Variants in FBXL17 observed in about 807,000 individuals in gnomAD.
The protein encoded by FBXL17 is F-box/LRR-repeat protein 17.
A neutral mutation model predicts 66.2 loss-of-function variants in FBXL17; 22 were observed. The observed-to-expected ratio is 0.33, with a 90% CI of 0.24 to 0.47. The LOEUF is 0.47. FBXL17 is among the 20% of genes least tolerant of loss of function. The pLI is 1.00. For missense variants in FBXL17, 878 were observed against 948.2 expected, an observed-to-expected ratio of 0.93 and a Z score of 0.97; for synonymous variants, 474 against 400.5, an observed-to-expected ratio of 1.18 and a Z score of -2.19.
At chr5:108,328,807 A>G (rs903950129) in intron 4 of FBXL17, among the ~76,000 whole-genome samples, 1 of 152,124 alleles carries the variant, frequency 6.6e-6, no homozygotes, top group African/African-American at 2.4e-5. Context: ...ATAGCTTTCA[A>G]TATTTATCAA....
At chr5:108,049,634 C>T (rs775528955) in intron 6 of FBXL17, among the ~76,000 whole-genome samples, 8 of 152,238 alleles carry the variant, frequency 5.3e-5, no homozygotes, top group Non-Finnish European at 1.2e-4. Flanking sequence ...TGCAAAATCA[C>T]ACCAAAATAT....
intron 4 of FBXL17, among the ~76,000 whole-genome samples, chr5:108,252,234 G>A (rs1202549245): frequency 2.0e-5 from 3 of 152,064 alleles, no homozygotes; most frequent in African/African-American, 7.2e-5. Context: ...CTATAAACTA[G>A]TTTATCACTA....
intron 7 of FBXL17, among the ~76,000 whole-genome samples, chr5:107,985,878 G>A (rs1752993796): frequency 6.6e-6 from 1 of 152,140 alleles, no homozygotes; most frequent in Non-Finnish European, 1.5e-5. Context: ...GAAGGTGAGA[G>A]TGCAGACGAA....
intron 6 of FBXL17, among the ~76,000 whole-genome samples, chr5:108,167,678 T>C (rs1260026893): frequency 1.3e-5 from 2 of 152,186 alleles, no homozygotes; most frequent in Non-Finnish European, 2.9e-5. Flanking sequence ...TACAAAGCCA[T>C]GTTTTATAAA....
chr5:108,138,936 G>A (rs1003752966), intron 6 of FBXL17, among the ~76,000 whole-genome samples: 1 of 152,164 alleles, frequency 6.6e-6, no homozygotes, highest in South Asian at 2.1e-4. Flanking sequence ...CTAAACTTGG[G>A]TAAGAATTGC....
intron 7 of FBXL17, among the ~76,000 whole-genome samples, chr5:107,991,873 A>G (rs536059032): frequency 1.2e-3 from 186 of 152,336 alleles, no homozygotes; most frequent in African/African-American, 4.1e-3. Flanking sequence ...AGTACCCTAC[A>G]TAAAACCCAC....
At chr5:108,012,739 G>A (rs1282943807) in intron 7 of FBXL17, among the ~76,000 whole-genome samples, 1 of 152,174 alleles carries the variant, frequency 6.6e-6, no homozygotes, top group South Asian at 2.1e-4. Context: ...TAGCTGGCTG[G>A]GTGTGGTGGC....
intron 7 of FBXL17, among the ~76,000 whole-genome samples, chr5:108,020,329 C>T (rs887364131): frequency 2.0e-5 from 3 of 151,892 alleles, no homozygotes; most frequent in African/African-American, 7.2e-5. Context: ...TTCTTTATTA[C>T]TGCGACAATA....
At chr5:108,117,608 T>C (rs1213760567) in intron 6 of FBXL17, among the ~76,000 whole-genome samples, 1 of 152,102 alleles carries the variant, frequency 6.6e-6, no homozygotes, top group Non-Finnish European at 1.5e-5. Context: ...CAAATGACTA[T>C]GAAGATGACA....
intron 6 of FBXL17, among the ~76,000 whole-genome samples, chr5:108,101,673 G>A (rs1162101202): frequency 6.6e-6 from 1 of 152,196 alleles, no homozygotes; most frequent in Non-Finnish European, 1.5e-5. Context: ...AATATACTTT[G>A]TGATAGTAAT....
chr5:108,284,961 TA>T (rs1278726062), intron 4 of FBXL17, among the ~76,000 whole-genome samples: 2 of 151,842 alleles, frequency 1.3e-5, no homozygotes, highest in Non-Finnish European at 2.9e-5. Flanking sequence ...AACTTCTTTC[TA>T]CTACAGAGTA....
chr5:107,980,746 T>A (rs1245183987), intron 7 of FBXL17, among the ~76,000 whole-genome samples: 2 of 142,118 alleles, frequency 1.4e-5, no homozygotes, highest in Non-Finnish European at 3.0e-5. Context: ...CAGCTCCGCC[T>A]CCCGGGTTCA....
At chr5:108,020,168 T>C (rs760167329) in intron 7 of FBXL17, among the ~76,000 whole-genome samples, 1 of 151,706 alleles carries the variant, frequency 6.6e-6, no homozygotes, top group Non-Finnish European at 1.5e-5. Context: ...AATGAAAAAA[T>C]CAAAAAGTCA....
chr5:108,067,234 T>C (rs1317267480), intron 6 of FBXL17, among the ~76,000 whole-genome samples: 1 of 152,126 alleles, frequency 6.6e-6, no homozygotes, highest in East Asian at 1.9e-4. Context: ...TATATGGTAT[T>C]ATCTGAGACA....
At chr5:108,293,103 A>AC (rs1758188511) in intron 4 of FBXL17, among the ~76,000 whole-genome samples, 2 of 151,522 alleles carry the variant, frequency 1.3e-5, no homozygotes, top group African/African-American at 4.8e-5. Flanking sequence ...AAAAACAAAA[A>AC]AAAAAAAACA....
At position 108,191,453 on chromosome 5, in the gene FBXL17, C is replaced by T. The variant is rs565493440; in HGVS notation, c.1615-5206G>A. ...CCACAATAAAAATATCACATATCAA[C>T]AAGAAGATGGTGAGAGCATATAATA... On this transcript the variant is annotated intron_variant, in intron 5 of 8. Coordinates refer to ENST00000542267, the MANE Select transcript of FBXL17 (RefSeq NM_001163315.3). Among the ~76,000 whole-genome samples, 8 of 152,242 alleles carry T rather than the reference C, an allele frequency of 5.3e-5. No individual in the cohort carries two copies. The East Asian group carries it at 1.5e-3, about 29-fold the overall frequency.
At chr5:107,933,392 G>C (rs1232029710) in intron 7 of FBXL17, among the ~76,000 whole-genome samples, 1 of 152,118 alleles carries the variant, frequency 6.6e-6, no homozygotes. Context: ...TTTTGGTCCA[G>C]TAGGCAAATT....
At chr5:108,294,793 C>A (rs10045002) in intron 4 of FBXL17, among the ~76,000 whole-genome samples, 120,828 of 151,964 alleles carry the variant, frequency 0.8, 48,679 homozygotes, top group East Asian at 0.93. Context: ...CAAATCTAAG[C>A]CATTATTAGT....
chr5:108,097,933 A>G (rs1749444730), intron 6 of FBXL17, among the ~76,000 whole-genome samples: 1 of 152,078 alleles, frequency 6.6e-6, no homozygotes, highest in Non-Finnish European at 1.5e-5. Context: ...AACATTTTAT[A>G]TTGTCTAACA....
Sources: gnomAD v4.1 joint callset for allele counts (sites outside exome capture counted in the v4.1 genomes callset) on GRCh38, gnomAD v4.1.1 for gene constraint, MANE v1.5 for transcripts, NCBI Gene and HGNC (gene_info 2026-07-23, HGNC 2026-07-21) for gene names.